The following GAS5 variants were observed in gnomAD, a reference collection of about 807,000 sequenced individuals.
The protein encoded by GAS5 is growth arrest specific 5 (non-protein coding).
intron 4 of GAS5, chr1:173,865,971 CAGTT>C (rs559123072): frequency 4.3e-4 from 222 of 519,214 alleles, no homozygotes; most frequent in Middle Eastern, 9.5e-4. Context: ...TGCCTTTAGT[CAGTT>C]AGAGCTAATT....
At chr1:173,864,464 T>C (rs1306400207) in intron 6 of GAS5, 2 of 516,526 alleles carry the variant, frequency 3.9e-6, no homozygotes, top group Non-Finnish European at 3.9e-6. Context: ...AATCATCACA[T>C]GTACCAAAAG....
At chr1:173,866,768 G>A (rs575778554) in exon 2 of GAS5, 1 of 765,382 alleles carries the variant, frequency 1.3e-6, no homozygotes, top group African/African-American at 1.7e-5. Flanking sequence ...TACTTCAGTA[G>A]CTATTCTCAT....
upstream of GAS5, chr1:173,867,087 C>CT (rs924071662): frequency 7.8e-5 from 50 of 644,858 alleles, no homozygotes; most frequent in Middle Eastern, 2.5e-4. Flanking sequence ...TTCCACGGTT[C>CT]TTTTTTTTAA....
chr1:173,865,719 C>A, intron 5 of GAS5: 1 of 519,216 alleles, frequency 1.9e-6, no homozygotes, highest in Non-Finnish European at 3.8e-6. Context: ...AAGGAAAACA[C>A]ATAAACACTG....
chr1:173,864,406 T>A (rs1486469887), intron 6 of GAS5: 3 of 519,096 alleles, frequency 5.8e-6, no homozygotes, highest in Non-Finnish European at 1.2e-5. Flanking sequence ...TACAGTGATA[T>A]CATTATATTT....
intron 6 of GAS5, chr1:173,864,847 GA>G: frequency 1.9e-6 from 1 of 519,176 alleles, no homozygotes; most frequent in Non-Finnish European, 3.8e-6. Context: ...AGATAGGAGC[GA>G]AAGACTTAAT....
chr1:173,867,249 T>C, upstream of GAS5: 1 of 521,464 alleles, frequency 1.9e-6, no homozygotes. Flanking sequence ...CCGGGCGCGG[T>C]GGCTCACGGC....
At chr1:173,867,162 T>C (rs898533529), upstream of GAS5, 5 of 582,462 alleles carry the variant, frequency 8.6e-6, no homozygotes, top group Non-Finnish European at 1.5e-5. Context: ...TACCATTCAT[T>C]ATCTAGCGAC....
upstream of GAS5, chr1:173,868,634 C>G (rs1185352130): frequency 1.3e-5 from 2 of 152,456 alleles, no homozygotes; most frequent in Non-Finnish European, 2.9e-5. Flanking sequence ...CCGGGAAGGG[C>G]GGCCCCCTCC....
chr1:173,865,850 T>C, intron 5 of GAS5: 1 of 514,310 alleles, frequency 1.9e-6, no homozygotes, highest in Admixed American at 2.0e-5. Flanking sequence ...TTTTCATTAA[T>C]ACTTACCAGA....
At position 173,866,240 on chromosome 1, in the gene GAS5, T is replaced by A. The variant is rs1225293639; in HGVS notation, n.132-34A>T. On this transcript the variant is annotated intron_variant and non_coding_transcript_variant, in intron 3 of 7. Transcript: ENST00000651080. Reference sequence around the variant, plus strand: ...TTAATACAAAATTGTCAGCAAAAAATATTTTAATGGTAGATTGGTGGTACA... The same window carrying A: ...TTAATACAAAATTGTCAGCAAAAAAAATTTTAATGGTAGATTGGTGGTACA... 3 of 486,190 alleles carry A rather than the reference T, an allele frequency of 6.2e-6. No homozygotes were observed. In the Admixed American group the frequency reaches 6.6e-5, roughly 11 times the overall value. 30.1% of individuals were successfully genotyped at this position (486,190 alleles called of 1,614,324 possible). A position where few individuals can be genotyped will look rare whatever the true frequency, so the allele number is the denominator to read the frequency against.
chr1:173,867,666 G>A (rs1332505690), upstream of GAS5: 1 of 518,878 alleles, frequency 1.9e-6, no homozygotes, highest in African/African-American at 1.9e-5. Context: ...CGGGTGACTC[G>A]GCATGTGCCA....
intron 6 of GAS5, chr1:173,865,313 G>A (rs942221370): frequency 2.1e-6 from 1 of 470,166 alleles, no homozygotes; most frequent in Admixed American, 2.3e-5. Context: ...TTACCAATAG[G>A]TAGTAATAGG....
At chr1:173,868,564 G>C (rs1655190912), upstream of GAS5, among the ~76,000 whole-genome samples, 1 of 152,136 alleles carries the variant, frequency 6.6e-6, no homozygotes, top group African/African-American at 2.4e-5. Context: ...CCACCCCCTT[G>C]GCCCCCGGCC....
intron 5 of GAS5, chr1:173,865,644 A>T: frequency 1.9e-6 from 1 of 519,238 alleles, no homozygotes; most frequent in South Asian, 1.4e-5. Flanking sequence ...ACCTTTGTCT[A>T]CATGCTCATT....
At chr1:173,866,307 A>C in intron 3 of GAS5, 1 of 517,550 alleles carries the variant, frequency 1.9e-6, no homozygotes, top group African/African-American at 1.9e-5. Flanking sequence ...CCCCAGATAC[A>C]TCAGACAGAT....
intron 3 of GAS5, chr1:173,866,265 ACTG>A (rs766821976): frequency 4.0e-6 from 2 of 504,602 alleles, no homozygotes; most frequent in South Asian, 2.9e-5. Context: ...TTGGTGGTAC[ACTG>A]CTTAACCATT....
chr1:173,866,778 T>C (rs564940972), exon 2 of GAS5: 13 of 765,340 alleles, frequency 1.7e-5, no homozygotes, highest in Non-Finnish European at 2.9e-5. Context: ...GCTATTCTCA[T>C]CCTTCCTTGG....
intron 6 of GAS5, chr1:173,864,914 CA>C: frequency 1.9e-6 from 1 of 517,972 alleles, no homozygotes; most frequent in Non-Finnish European, 3.9e-6. Context: ...ATCGGCTTTA[CA>C]ACACTTAAAA....
Sources: gnomAD v4.1 joint callset for allele counts (sites outside exome capture counted in the v4.1 genomes callset) on GRCh38, gnomAD v4.1.1 for gene constraint, MANE v1.5 for transcripts, NCBI Gene and HGNC (gene_info 2026-07-23, HGNC 2026-07-21) for gene names.